Variants in C22orf42 observed in about 807,000 individuals in gnomAD.
C22orf42 encodes chromosome 22 open reading frame 42.
Under a neutral mutation model 31.4 loss-of-function variants are expected in C22orf42, and 24 were observed. The ratio of observed to expected loss-of-function variants is 0.77; its 90% CI spans 0.55 to 1.08. The LOEUF (loss-of-function observed/expected upper bound fraction) is 1.08, where lower values mean the gene tolerates loss of function less well. C22orf42 is among the 50% of genes least tolerant of loss of function. The probability of loss-of-function intolerance (pLI) is 0.00; values close to 1 mark genes in which losing one functional copy is unlikely to be tolerated. For missense variants in C22orf42, 276 were observed against 327.3 expected, an observed-to-expected ratio of 0.84 and a Z score of 1.21; for synonymous variants, 96 against 112.7, an observed-to-expected ratio of 0.85 and a Z score of 0.94.
intron 2 of C22orf42, among the ~76,000 whole-genome samples, chr22:32,154,015 TCACA>T (rs111234718): frequency 7.5e-5 from 11 of 146,910 alleles, no homozygotes; most frequent in Admixed American, 1.4e-4. Flanking sequence ...TGAGACCTTT[TCACA>T]CACACACACA....
chr22:32,153,800 G>A (rs1377999851), intron 2 of C22orf42, among the ~76,000 whole-genome samples: 1 of 150,660 alleles, frequency 6.6e-6, no homozygotes, highest in African/African-American at 2.5e-5. Context: ...CATTTGAGAT[G>A]TCCTTTACTA....
At chr22:32,154,730 C>A (rs754656877) in intron 1 of C22orf42, among the ~76,000 whole-genome samples, 2 of 152,168 alleles carry the variant, frequency 1.3e-5, no homozygotes, top group Non-Finnish European at 2.9e-5. Flanking sequence ...TATAGACCTA[C>A]TAAGATCTAT....
At chr22:32,158,194 G>A (rs1227468682) in intron 1 of C22orf42, among the ~76,000 whole-genome samples, 1 of 152,082 alleles carries the variant, frequency 6.6e-6, no homozygotes, top group African/African-American at 2.4e-5. Flanking sequence ...CTAGAGCCCT[G>A]GTCCCACTCT....
chr22:32,151,005 G>T lies in C22orf42; in HGVS notation c.480C>A (p.Ala160=), dbSNP rs757785784. Residue 160 remains alanine (A), a synonymous_variant, in exon 6 of 9, where the codon GCC becomes GCA. Transcript: ENST00000382097. ...NITSDIEISE[A]KHDHHLVEDL... ...AAAAATACGTACGGTGGTCGTGCTT[G>T]GCCTCAGATATTTCCTGCAGTAAGA... 4.3e-6 allele frequency: 7 copies of T among 1,612,166 alleles called. No homozygotes were observed. The African/African-American group carries it at 8.0e-5, about 19-fold the overall frequency.
rs1451931439 is a variant in C22orf42 at position 32,149,453 on chromosome 22, T to G, written c.*87A>C. The G allele has an allele frequency of 2.9e-6, 4 of 1,365,952 alleles. No individual in the cohort carries two copies. The highest frequency in any genetic ancestry group is 1.5e-5 in the African/African-American group (1 of 68,680). 84.6% of individuals were successfully genotyped at this position (1,365,952 alleles called of 1,614,324 possible). The stretch of plus-strand genomic sequence containing the variant: ...GGAAGAGAGAGAGGCTTGTGATTTT[T>G]TTTTCACCCAGATGGAAATATGCAT... On this transcript the variant is annotated 3_prime_UTR_variant, in exon 9 of 9. Coordinates refer to ENST00000382097, the MANE Select transcript of C22orf42 (RefSeq NM_001010859.3).
chr22:32,150,108 C>T (rs770598862), intron 7 of C22orf42, among the ~76,000 whole-genome samples: 3 of 152,164 alleles, frequency 2.0e-5, no homozygotes, highest in Non-Finnish European at 4.4e-5. Context: ...TGGTCATAAA[C>T]TCCAGTGACT....
intron 3 of C22orf42, 49 bp from the exon 4 acceptor site, chr22:32,152,143 T>G: frequency 6.3e-7 from 1 of 1,581,248 alleles, no homozygotes; most frequent in Non-Finnish European, 8.5e-7. Flanking sequence ...CAGATCATGC[T>G]GGGTTCTGTT....
Position 32,152,007 on chromosome 22 carries a change from G to A in C22orf42, c.400+60C>T, listed in dbSNP as rs1569333706. 4.0e-6 allele frequency: 6 copies of A among 1,495,634 alleles called. No individual in the cohort carries two copies. In the South Asian group the frequency reaches 7.2e-5, roughly 18 times the overall value. The allele number at this position is 1,495,634 out of a possible 1,614,324, so 92.6% of individuals were successfully genotyped here. A position where few individuals can be genotyped will look rare whatever the true frequency, so the allele number is the denominator to read the frequency against. ...ACGCTGAATCACTTACGTTAAATGA[G>A]TGAATTGTTTTGCATGTCAACTACA... is the stretch of plus-strand genomic sequence containing the variant. On this transcript the variant is annotated intron_variant, in intron 4 of 8. Transcript: ENST00000382097.
At position 32,156,753 on chromosome 22, in the gene C22orf42, C is replaced by A. The variant is rs1921277634; in HGVS notation, c.232+2231G>T. On this transcript the variant is annotated intron_variant, in intron 1 of 8. Coordinates refer to ENST00000382097, the MANE Select transcript of C22orf42 (RefSeq NM_001010859.3). ...AAGTACCAGTTAATTTTACTAGTCC[C>A]TTACTAGACATTTCAGTTATTTCCA... 2.1e-5 allele frequency among the ~76,000 whole-genome samples: 3 copies of A among 145,654 alleles called. No individual in the cohort carries two copies. In the East Asian group the frequency reaches 5.9e-4, roughly 29 times the overall value.
At chr22:32,152,494 C>G in intron 3 of C22orf42, 68 bp downstream of exon 3, 1 of 1,333,848 alleles carries the variant, frequency 7.5e-7, no homozygotes, top group South Asian at 1.2e-5. Context: ...ATGATACTCA[C>G]TTGATATTCT....
chr22:32,158,347 T>C (rs2149514786), intron 1 of C22orf42, among the ~76,000 whole-genome samples: 1 of 152,302 alleles, frequency 6.6e-6, no homozygotes, highest in South Asian at 2.1e-4. Context: ...TAATCAGAGC[T>C]CCATGACTAA....
intron 1 of C22orf42, among the ~76,000 whole-genome samples, chr22:32,155,856 G>C (rs1456258145): frequency 6.6e-5 from 10 of 152,126 alleles, no homozygotes; most frequent in Non-Finnish European, 1.0e-4. Flanking sequence ...AACATAGCGA[G>C]ACCTCTTCTT....
At chr22:32,155,238 G>T (rs1276388900) in intron 1 of C22orf42, among the ~76,000 whole-genome samples, 1 of 152,152 alleles carries the variant, frequency 6.6e-6, no homozygotes, top group African/African-American at 2.4e-5. Context: ...CTTTGGGATG[G>T]TTGATGCCCT....
intron 5 of C22orf42, 22 bp downstream of exon 5, chr22:32,151,465 C>T (rs1569333285): frequency 6.2e-7 from 1 of 1,604,088 alleles, no homozygotes. Flanking sequence ...ATTTCTCTTC[C>T]AGAGAAAGAA....
Position 32,150,484 on chromosome 22 carries a change from G to T in C22orf42, c.494-5C>A. 1 of 1,614,054 alleles carries T rather than the reference G, an allele frequency of 6.2e-7. No individual in the cohort carries two copies. Among genetic ancestry groups the T allele is most frequent in the Non-Finnish European group, 8.5e-7 (1 of 1,179,980 alleles). ...CACTGAGATCTTCGACCAAATCTAG[G>T]AGAACATAGTGACAGTCAGTGCATT... On this transcript the variant is annotated splice_region_variant and splice_polypyrimidine_tract_variant and intron_variant, in intron 6 of 8. Transcript: ENST00000382097.
intron 7 of C22orf42, 148 bp downstream of exon 7, chr22:32,150,171 A>G: frequency 3.7e-6 from 3 of 804,488 alleles, no homozygotes; most frequent in South Asian, 1.8e-5. Flanking sequence ...GCAATCGAAT[A>G]TGATATTCCC....
At chr22:32,159,471 G>C (rs1371389288), upstream of C22orf42, 1 of 1,361,940 alleles carries the variant, frequency 7.3e-7, no homozygotes. Flanking sequence ...TGGCCACCCT[G>C]TCCCTCTGTG....
At chr22:32,152,699 G>A in intron 2 of C22orf42, 73 bp from the exon 3 acceptor site, 1 of 1,439,798 alleles carries the variant, frequency 6.9e-7, no homozygotes, top group South Asian at 1.1e-5. Flanking sequence ...TGGGGGATGT[G>A]GACCGGGGCT....
At chr22:32,151,925 A>G in intron 4 of C22orf42, 142 bp downstream of exon 4, 1 of 819,906 alleles carries the variant, frequency 1.2e-6, no homozygotes, top group East Asian at 2.7e-5. Context: ...AGGGGGAATA[A>G]AGAGGTTCTA....
Sources: gnomAD v4.1 joint callset for allele counts (sites outside exome capture counted in the v4.1 genomes callset) on GRCh38, gnomAD v4.1.1 for gene constraint, MANE v1.5 for transcripts, NCBI Gene and HGNC (gene_info 2026-07-23, HGNC 2026-07-21) for gene names.